Variants in FOXO3 observed in about 807,000 individuals in gnomAD.
FOXO3 encodes forkhead box O3, also known as forkhead box protein O3.
A neutral mutation model predicts 41.9 loss-of-function variants in FOXO3; 4 were observed. The ratio of observed to expected loss-of-function variants is 0.10; its 90% confidence interval spans 0.05 to 0.22. FOXO3 has a LOEUF of 0.22. Among genes scored for constraint, FOXO3 ranks in the 10% least tolerant of loss-of-function variants. FOXO3 has a pLI of 1.00. For missense variants in FOXO3, 534 were observed against 906.8 expected, an observed-to-expected ratio of 0.59 and a Z score of 5.28; for synonymous variants, 318 against 389.3, an observed-to-expected ratio of 0.82 and a Z score of 2.16.
chr6:108,565,853 A>G (rs965656842), intron 1 of FOXO3, among the ~76,000 whole-genome samples: 6 of 152,188 alleles, frequency 3.9e-5, no homozygotes, highest in Admixed American at 2.0e-4. Flanking sequence ...TTTTAACTGC[A>G]ACTCTGTTTT....
rs145350520 is a variant in FOXO3, at chr6:108,641,892, G to A, written c.622-21563G>A. Among the ~76,000 whole-genome samples, 822 of 152,180 alleles carry A rather than the reference G, an allele frequency of 5.4e-3. 2 individuals are homozygous for A. The highest frequency in any genetic ancestry group is 0.014 in the Middle Eastern group (4 of 292). On this transcript the variant is annotated intron_variant, in intron 1 of 2. Coordinates refer to ENST00000406360, the MANE Select transcript of FOXO3 (RefSeq NM_001455.4). Reference sequence around the variant, plus strand: ...AATAGACTGTACTTTGAATACAAATGCTATTCATTGTATTAAGACCTGTCC... The same window carrying A: ...AATAGACTGTACTTTGAATACAAATACTATTCATTGTATTAAGACCTGTCC...
At chr6:108,573,847 GATA>G (rs1443695114) in intron 1 of FOXO3, among the ~76,000 whole-genome samples, 2 of 151,570 alleles carry the variant, frequency 1.3e-5, no homozygotes, top group African/African-American at 4.9e-5. Flanking sequence ...AATAAGTAAT[GATA>G]ATAATAAAGA....
intron 1 of FOXO3, among the ~76,000 whole-genome samples, chr6:108,644,868 TA>T (rs1778352077): frequency 6.6e-6 from 1 of 152,194 alleles, no homozygotes; most frequent in Admixed American, 6.5e-5. Flanking sequence ...AATTTGTAAT[TA>T]TGTATGTATT....
intron 1 of FOXO3, among the ~76,000 whole-genome samples, chr6:108,601,126 G>A (rs933357276): frequency 4.7e-5 from 7 of 150,248 alleles, no homozygotes; most frequent in Non-Finnish European, 1.0e-4. Flanking sequence ...TCCTGCCTCA[G>A]CCTCCCCAGT....
intron 1 of FOXO3, among the ~76,000 whole-genome samples, chr6:108,660,418 G>A (rs558587021): frequency 1.3e-5 from 2 of 152,302 alleles, no homozygotes; most frequent in Admixed American, 6.5e-5. Flanking sequence ...TGTTGCTTAT[G>A]TTCTTCTCTC....
intron 1 of FOXO3, among the ~76,000 whole-genome samples, chr6:108,622,452 C>T (rs1019083566): frequency 6.6e-6 from 1 of 152,086 alleles, no homozygotes; most frequent in Non-Finnish European, 1.5e-5. Flanking sequence ...GGAGTCCTTG[C>T]CCCTTGGAGA....
At chr6:108,587,522 T>C (rs1776613491) in intron 1 of FOXO3, among the ~76,000 whole-genome samples, 1 of 152,198 alleles carries the variant, frequency 6.6e-6, no homozygotes, top group Non-Finnish European at 1.5e-5. Flanking sequence ...TATATGTGTA[T>C]GTGTGCACAC....
chr6:108,635,118 T>C (rs1306661957), intron 1 of FOXO3, among the ~76,000 whole-genome samples: 1 of 151,918 alleles, frequency 6.6e-6, no homozygotes, highest in Non-Finnish European at 1.5e-5. Context: ...CTGGCCAACA[T>C]GGCAAAACCT....
At chr6:108,585,022 C>T (rs75937177) in intron 1 of FOXO3, among the ~76,000 whole-genome samples, 330 of 51,386 alleles carry the variant, frequency 6.4e-3, no homozygotes, top group South Asian at 0.012. Flanking sequence ...TCTCCAAAAT[C>T]TTTTTTTTTT....
chr6:108,641,365 A>G (rs966543412), intron 1 of FOXO3, among the ~76,000 whole-genome samples: 8 of 152,192 alleles, frequency 5.3e-5, no homozygotes, highest in South Asian at 2.1e-4. Context: ...AAATCAATTT[A>G]GTAAATTTGG....
At chr6:108,586,642 A>G (rs1193491128) in intron 1 of FOXO3, among the ~76,000 whole-genome samples, 1 of 152,140 alleles carries the variant, frequency 6.6e-6, no homozygotes, top group African/African-American at 2.4e-5. Context: ...GACAGGTAGG[A>G]AAACTGAGGA....
intron 2 of FOXO3, among the ~76,000 whole-genome samples, chr6:108,669,895 G>A (rs185153815): frequency 6.6e-6 from 1 of 152,270 alleles, no homozygotes; most frequent in African/African-American, 2.4e-5. Flanking sequence ...ACAGCTTTCT[G>A]GAAGGTCTCT....
At chr6:108,674,953 A>G (rs1770525079) in intron 2 of FOXO3, among the ~76,000 whole-genome samples, 1 of 152,200 alleles carries the variant, frequency 6.6e-6, no homozygotes, top group African/African-American at 2.4e-5. Context: ...TGAGAATCTT[A>G]AGAAAATACT....
intron 1 of FOXO3, among the ~76,000 whole-genome samples, chr6:108,661,702 G>A (rs1778871232): frequency 6.6e-6 from 1 of 152,194 alleles, no homozygotes; most frequent in Non-Finnish European, 1.5e-5. Flanking sequence ...TGCAGTTGTT[G>A]CAGACAAATT....
At chr6:108,565,669 C>A (rs1419635530) in intron 1 of FOXO3, among the ~76,000 whole-genome samples, 1 of 152,198 alleles carries the variant, frequency 6.6e-6, no homozygotes, top group African/African-American at 2.4e-5. Context: ...GAAGATAATT[C>A]TTCAAGAGTC....
At chr6:108,610,457 C>G (rs1777329309) in intron 1 of FOXO3, among the ~76,000 whole-genome samples, 1 of 152,194 alleles carries the variant, frequency 6.6e-6, no homozygotes, top group Non-Finnish European at 1.5e-5. Context: ...CGCTTAGCTT[C>G]ATGGGCTGAG....
chr6:108,613,977 G>A (rs1582778746), intron 1 of FOXO3, among the ~76,000 whole-genome samples: 1 of 152,062 alleles, frequency 6.6e-6, no homozygotes, highest in East Asian at 1.9e-4. Flanking sequence ...TCTGCAGTTT[G>A]TTTAGAAGTT....
chr6:108,658,313 A>G (rs1343837499), intron 1 of FOXO3, among the ~76,000 whole-genome samples: 1 of 152,036 alleles, frequency 6.6e-6, no homozygotes, highest in Non-Finnish European at 1.5e-5. Flanking sequence ...GAGATTGGGG[A>G]CTGTGAGAAT....
chr6:108,625,513 A>C (rs976746852), intron 1 of FOXO3, among the ~76,000 whole-genome samples: 1 of 152,258 alleles, frequency 6.6e-6, no homozygotes, highest in African/African-American at 2.4e-5. Context: ...AATCATTTGC[A>C]TTAATCAATA....
Sources: allele counts gnomAD v4.1 joint callset (sites outside exome capture counted in the v4.1 genomes callset), GRCh38; gene constraint gnomAD v4.1.1; transcripts MANE v1.5; gene names NCBI Gene and HGNC (gene_info 2026-07-23, HGNC 2026-07-21).